The following FBXO28 variants were observed in gnomAD, a reference collection of about 807,000 sequenced individuals.
FBXO28 encodes the protein F-box protein 28.
Under a neutral mutation model 38.1 loss-of-function variants are expected in FBXO28, and 8 were observed. That is an observed-to-expected ratio of 0.21 (90% CI 0.12 to 0.38). The LOEUF (loss-of-function observed/expected upper bound fraction) is 0.38, where lower values mean the gene tolerates loss of function less well. Among genes scored for constraint, FBXO28 ranks in the 10% least tolerant of loss-of-function variants. The pLI is 1.00. For synonymous variants in FBXO28, 168 were observed against 173.8 expected (o/e 0.97, Z 0.26); for missense variants, 345 against 460.6 (o/e 0.75, Z 2.30).
At chr1:224,129,989 CAA>C (rs562019501) in intron 1 of FBXO28, among the ~76,000 whole-genome samples, 3 of 127,046 alleles carry the variant, frequency 2.4e-5, no homozygotes, top group Admixed American at 8.0e-5. Flanking sequence ...GACTCCATCT[CAA>C]AAAAAAAAAA....
rs1438654917 is a variant in FBXO28, at chr1:224,161,805, G to A, written c.*4059G>A. On this transcript the variant is annotated 3_prime_UTR_variant, in exon 5 of 5. Transcript: ENST00000366862. ...AACCATGACATTTAGAAGTATATTG[G>A]TAATCTATTAGGTCCATTGGCAAAG... 2.0e-5 allele frequency: 3 copies of A among 152,040 alleles called. No homozygotes were observed. The highest frequency in any genetic ancestry group is 2.0e-4 in the Admixed American group (3 of 15,248). 9.4% of individuals were successfully genotyped at this position (152,040 alleles called of 1,614,324 possible). A position where few individuals can be genotyped will look rare whatever the true frequency, so the allele number is the denominator to read the frequency against.
chr1:224,151,021 A>C (rs1292417230), intron 3 of FBXO28, among the ~76,000 whole-genome samples: 4 of 152,180 alleles, frequency 2.6e-5, no homozygotes. Context: ...AGTCCAAGGG[A>C]AAGTACTCCA....
At chr1:224,154,206 CAGT>C (rs1657713917) in intron 4 of FBXO28, among the ~76,000 whole-genome samples, 1 of 152,174 alleles carries the variant, frequency 6.6e-6, no homozygotes, top group Non-Finnish European at 1.5e-5. Flanking sequence ...CCTTAGCTTA[CAGT>C]TGGGCAAAAT....
At chr1:224,124,248 A>T (rs997759115) in intron 1 of FBXO28, among the ~76,000 whole-genome samples, 1 of 152,232 alleles carries the variant, frequency 6.6e-6, no homozygotes, top group Admixed American at 6.5e-5. Flanking sequence ...TTCATTACTG[A>T]CCACAACTAA....
chr1:224,139,030 A>G (rs6656352), intron 3 of FBXO28, among the ~76,000 whole-genome samples: 149,360 of 151,680 alleles, frequency 0.98, 73,635 homozygotes, highest in East Asian at 1. Context: ...TGATGCGCCC[A>G]CCTTAGCCTC....
intron 1 of FBXO28, among the ~76,000 whole-genome samples, chr1:224,122,099 A>C (rs1488424329): frequency 6.6e-6 from 1 of 152,208 alleles, no homozygotes; most frequent in Non-Finnish European, 1.5e-5. Context: ...TAAAGATTAA[A>C]GTATTCTTTT....
rs1466571330 is a variant in FBXO28 at position 224,149,189 on chromosome 1, T to G, written c.517-3953T>G. On this transcript the variant is annotated intron_variant, in intron 3 of 4. Coordinates refer to ENST00000366862, the MANE Select transcript of FBXO28 (RefSeq NM_015176.4). ...TACTATTTTAAGTATTCTATATTTTTACAAGTCCGTCTCAATAGAGATCTT... is the reference window on the plus strand; with the variant it reads ...TACTATTTTAAGTATTCTATATTTTGACAAGTCCGTCTCAATAGAGATCTT... 2.0e-5 allele frequency among the ~76,000 whole-genome samples: 3 copies of G among 152,344 alleles called. No individual in the cohort carries two copies. In the East Asian group the frequency reaches 5.8e-4, roughly 29 times the overall value.
At chr1:224,153,096 T>C in intron 3 of FBXO28, 46 bp from the exon 4 acceptor site, 1 of 1,512,888 alleles carries the variant, frequency 6.6e-7, no homozygotes, top group Non-Finnish European at 8.9e-7. Flanking sequence ...ATTTTCTTTA[T>C]TAAAAAAGAA....
intron 1 of FBXO28, among the ~76,000 whole-genome samples, chr1:224,118,269 T>G (rs903550148): frequency 5.0e-5 from 7 of 141,014 alleles, no homozygotes; most frequent in African/African-American, 1.8e-4. Context: ...AAAAAATTTT[T>G]TTTCTATTTA....
At chr1:224,138,650 T>G (rs1411920327) in intron 3 of FBXO28, among the ~76,000 whole-genome samples, 5 of 151,918 alleles carry the variant, frequency 3.3e-5, no homozygotes, top group African/African-American at 1.2e-4. Flanking sequence ...CACAACCGTA[T>G]GTGAGCATTG....
At chr1:224,156,535 T>A (rs115961179) in intron 4 of FBXO28, among the ~76,000 whole-genome samples, 5,842 of 152,232 alleles carry the variant, frequency 0.038, 333 homozygotes, top group African/African-American at 0.13. Flanking sequence ...CAATCTCTTA[T>A]CCGCATACCC....
chr1:224,118,838 C>T (rs1351914976), intron 1 of FBXO28, among the ~76,000 whole-genome samples: 1 of 152,170 alleles, frequency 6.6e-6, no homozygotes, highest in African/African-American at 2.4e-5. Context: ...ATAGAACTTA[C>T]CTTGGAAAAT....
At chr1:224,126,616 A>C (rs1572009042) in intron 1 of FBXO28, among the ~76,000 whole-genome samples, 1 of 152,140 alleles carries the variant, frequency 6.6e-6, no homozygotes, top group South Asian at 2.1e-4. Flanking sequence ...GGAGTTCCAG[A>C]CCAGCCTAAC....
intron 4 of FBXO28, among the ~76,000 whole-genome samples, chr1:224,155,953 A>C (rs961211789): frequency 1.2e-4 from 19 of 152,244 alleles, no homozygotes; most frequent in African/African-American, 4.6e-4. Context: ...AAATGAGAGC[A>C]GAGAAACAAT....
At chr1:224,147,562 A>G (rs1487659490) in intron 3 of FBXO28, among the ~76,000 whole-genome samples, 1 of 152,174 alleles carries the variant, frequency 6.6e-6, no homozygotes, top group Non-Finnish European at 1.5e-5. Context: ...GAGGTGATCT[A>G]GGTTATATGC....
rs1553287748 is a variant in FBXO28, at chr1:224,119,140, T to TTTC, written c.267+4746_267+4747insCTT. 3.6e-5 allele frequency among the ~76,000 whole-genome samples: 5 copies of TTTC among 137,086 alleles called. No individual in the cohort carries two copies. The East Asian group carries it at 6.1e-4, about 17-fold the overall frequency. The allele number at this position is 137,086 out of a possible 152,430, so 89.9% of individuals were successfully genotyped here. On this transcript the variant is annotated intron_variant, in intron 1 of 4. Transcript: ENST00000366862. ...GCTGATTTTTTCTTTTTTTTCTTTT[T>TTTC]TTTTTTTTTTTTTGACGGAATCTCG...
chr1:224,133,599 C>T (rs1459880634), intron 2 of FBXO28, among the ~76,000 whole-genome samples: 1 of 152,074 alleles, frequency 6.6e-6, no homozygotes, highest in Non-Finnish European at 1.5e-5. Flanking sequence ...TTCACTGCAA[C>T]CTCCGACGCC....
Position 224,114,255 on chromosome 1 carries a change from G to T in FBXO28, c.126G>T (p.Gln42His). 1 of 1,554,800 alleles carries T rather than the reference G, an allele frequency of 6.4e-7. No homozygotes were observed. Among genetic ancestry groups the T allele is most frequent in the Non-Finnish European group, 8.7e-7 (1 of 1,149,366 alleles). ...CACCGCCCGCGCCACAGCACCCGCAGCCGGGGTCCCAGGCGCTCCCAGCCC... is the reference window on the plus strand; with the variant it reads ...CACCGCCCGCGCCACAGCACCCGCATCCGGGGTCCCAGGCGCTCCCAGCCC... ...QPPPPAPQHP[Q>H]PGSQALPAPA... Residue 42 changes from glutamine to histidine, a missense_variant, in exon 1 of 5, where the codon CAG becomes CAT. By Grantham distance (24) the Gln-to-His change is conservative. Transcript: ENST00000366862.
intron 3 of FBXO28, among the ~76,000 whole-genome samples, chr1:224,138,473 A>G (rs1462010261): frequency 1.3e-5 from 2 of 151,898 alleles, no homozygotes; most frequent in African/African-American, 2.4e-5. Context: ...ATAGTTGGCC[A>G]ACCCTAAGTA....
Sources: allele counts gnomAD v4.1 joint callset (sites outside exome capture counted in the v4.1 genomes callset), GRCh38; gene constraint gnomAD v4.1.1; transcripts MANE v1.5; gene names NCBI Gene and HGNC (gene_info 2026-07-23, HGNC 2026-07-21).